The following PCDHGA3 variants were observed in gnomAD, a reference collection of about 807,000 sequenced individuals.
The protein encoded by PCDHGA3 is protocadherin gamma-A3.
Under a neutral mutation model 58.5 loss-of-function variants are expected in PCDHGA3, and 40 were observed. That is an observed-to-expected ratio of 0.68 (90% CI 0.53 to 0.89). The LOEUF is 0.89. PCDHGA3 is among the 40% of genes least tolerant of loss of function. The pLI is 0.00. For missense variants in PCDHGA3, 1,223 were observed against 1,195.9 expected (o/e 1.02, Z -0.33); for synonymous variants, 530 against 525.7 (o/e 1.01, Z -0.11).
chr5:141,421,246 C>T (rs1047768415), intron 1 of PCDHGA3: 16 of 1,603,622 alleles, frequency 1.0e-5, no homozygotes, highest in Admixed American at 1.7e-5. Flanking sequence ...TCGGCTACAG[C>T]GCGGGGACCG....
intron 2 of PCDHGA3, among the ~76,000 whole-genome samples, chr5:141,497,767 C>T (rs1419825322): frequency 1.3e-5 from 2 of 152,066 alleles, no homozygotes; most frequent in East Asian, 3.9e-4. Flanking sequence ...TCAAACTCCC[C>T]GACCTCAACT....
intron 3 of PCDHGA3, among the ~76,000 whole-genome samples, chr5:141,505,969 A>G (rs1454691041): frequency 1.3e-5 from 2 of 152,142 alleles, no homozygotes; most frequent in Non-Finnish European, 2.9e-5. Context: ...AGAAATCCCC[A>G]GCCGAGAGAA....
In PCDHGA3 at chr5:141,344,530, C is replaced by G. The variant is rs1241376856; in HGVS notation, c.497C>G (p.Ser166Cys). Residue 166 changes from serine (S) to cysteine (C), a missense_variant, in exon 1 of 4, where the codon TCC (serine) becomes TGC (cysteine). Coordinates refer to ENST00000253812, the MANE Select transcript of PCDHGA3 (RefSeq NM_018916.4). ...TAFDPDVGIN[S>C]LQNYKLSPND... ...TTTGACCCAGATGTAGGCATTAACT[C>G]CCTGCAGAACTACAAGCTTAGCCCC... is the stretch of plus-strand genomic sequence containing the variant. 1.2e-6 allele frequency: 2 copies of G among 1,613,890 alleles called. No individual in the cohort carries two copies. The highest frequency in any genetic ancestry group is 2.2e-5 in the East Asian group (1 of 44,900).
intron 1 of PCDHGA3, among the ~76,000 whole-genome samples, chr5:141,447,983 G>A (rs1311439824): frequency 6.6e-6 from 1 of 151,972 alleles, no homozygotes; most frequent in Non-Finnish European, 1.5e-5. Context: ...CTACTCGGGA[G>A]GCTGAGGCAT....
chr5:141,505,513 G>A lies in PCDHGA3; in HGVS notation c.2572+32G>A, dbSNP rs1157816684. ...GGTGTCAGTGTGTGTATGGAAGAGT[G>A]GGAGACCTGGGGTTCTGGGGTGCAT... On this transcript the variant is annotated intron_variant, in intron 3 of 3. Coordinates refer to ENST00000253812, the MANE Select transcript of PCDHGA3 (RefSeq NM_018916.4). The A allele has an allele frequency of 3.1e-6, 5 of 1,613,710 alleles. No homozygotes were observed. In the South Asian group the frequency reaches 3.3e-5, roughly 11 times the overall value.
At chr5:141,372,931 A>T in intron 1 of PCDHGA3, 1 of 890,318 alleles carries the variant, frequency 1.1e-6, no homozygotes, top group Non-Finnish European at 1.6e-6. Flanking sequence ...TTTCTGGTGT[A>T]GAGTAGGGTG....
At chr5:141,500,116 C>T (rs1458562489) in intron 2 of PCDHGA3, among the ~76,000 whole-genome samples, 4 of 149,046 alleles carry the variant, frequency 2.7e-5, no homozygotes, top group Admixed American at 2.0e-4. Context: ...GAATCCCTGC[C>T]TTTTCATATA....
Position 141,476,543 on chromosome 5 carries a change from G to A in PCDHGA3, c.2425-18264G>A, listed in dbSNP as rs1419273574. 1 of 1,614,220 alleles carries A rather than the reference G, an allele frequency of 6.2e-7. No individual in the cohort carries two copies. Among genetic ancestry groups the A allele is most frequent in the South Asian group, 1.1e-5 (1 of 91,084 alleles). On this transcript the variant is annotated intron_variant, in intron 1 of 3. Transcript: ENST00000253812. The surrounding 1 kb of genome is among the most constrained non-coding windows in gnomAD (Gnocchi z 7.6). ...TTTCCCTACCCAGGAAATGAAATTG[G>A]AGATTAGCGAGGCCGTGGCTCCGGG...
At chr5:141,399,063 A>G (rs762517133) in intron 1 of PCDHGA3, 1 of 1,613,714 alleles carries the variant, frequency 6.2e-7, no homozygotes, top group South Asian at 1.1e-5. Flanking sequence ...AGGAATATTC[A>G]ATGGTTGTAG....
chr5:141,450,815 A>AT (rs1554136868), intron 1 of PCDHGA3, among the ~76,000 whole-genome samples: 4,329 of 126,688 alleles, frequency 0.034, 70 homozygotes, highest in Middle Eastern at 0.091. Flanking sequence ...TATTTATTTA[A>AT]TATTATTATT....
chr5:141,420,357 CT>C, intron 1 of PCDHGA3: 1 of 1,376,278 alleles, frequency 7.3e-7, no homozygotes, highest in Non-Finnish European at 9.6e-7. Context: ...TTTTAAGATT[CT>C]AGATAACTTC....
At chr5:141,370,648 T>A in intron 1 of PCDHGA3, 1 of 1,613,920 alleles carries the variant, frequency 6.2e-7, no homozygotes, top group Non-Finnish European at 8.5e-7. Context: ...GGGAACTTAC[T>A]TGTGAGCGAC....
chr5:141,478,718 C>T, intron 1 of PCDHGA3: 1 of 1,544,994 alleles, frequency 6.5e-7, no homozygotes, highest in East Asian at 2.4e-5. Context: ...AGATGGTGGC[C>T]TGCCAGAGTG....
rs760591099 is a variant in PCDHGA3, at chr5:141,345,468, C to G, written c.1435C>G (p.Pro479Ala). ...ASIFSVTAQD[P>A]DSNNNARITY... is the part of the protein sequence containing the mutation. ...CATCTTCTCAGTGACAGCCCAGGAC[C>G]CAGATAGCAACAACAACGCCCGCAT... Residue 479 changes from proline to alanine, a missense_variant, in exon 1 of 4, where the codon CCA becomes GCA. Pro to Ala is a conservative substitution (Grantham distance 27, BLOSUM62 -1). This residue lies in a region of PCDHGA3 where 791 missense variants were observed against 708.5 expected (regional missense o/e 1.12). Transcript: ENST00000253812. 4.1e-5 allele frequency: 66 copies of G among 1,614,138 alleles called. 2 individuals are homozygous for G. In the Middle Eastern group the frequency reaches 6.3e-3, roughly 153 times the overall value.
At chr5:141,460,616 T>C (rs905095529) in intron 1 of PCDHGA3, among the ~76,000 whole-genome samples, 8 of 152,114 alleles carry the variant, frequency 5.3e-5, no homozygotes, top group Non-Finnish European at 7.4e-5. Context: ...GATGGATAGA[T>C]AGACAGATAC....
In PCDHGA3 at chr5:141,450,548, G is replaced by A. The variant is rs186010209; in HGVS notation, c.2425-44259G>A. 3.3e-4 allele frequency among the ~76,000 whole-genome samples: 50 copies of A among 151,716 alleles called. 1 individual carries two copies. Among genetic ancestry groups the A allele is most frequent in the African/African-American group, 9.9e-4 (41 of 41,366 alleles). On this transcript the variant is annotated intron_variant, in intron 1 of 3. Transcript: ENST00000253812. ...GTCACCCAGGCTGGAATGCAGTGGC[G>A]CAGTCTCGGCTCACTGCAACTTCTG... is the stretch of plus-strand genomic sequence containing the variant.
intron 1 of PCDHGA3, among the ~76,000 whole-genome samples, chr5:141,484,170 A>G (rs962978452): frequency 6.6e-6 from 1 of 152,210 alleles, no homozygotes; most frequent in Non-Finnish European, 1.5e-5. Context: ...TTGGTAGCTG[A>G]TCTCAATCAT....
intron 1 of PCDHGA3, among the ~76,000 whole-genome samples, chr5:141,380,102 G>C (rs1776217775): frequency 6.6e-6 from 1 of 151,848 alleles, no homozygotes; most frequent in Non-Finnish European, 1.5e-5. Flanking sequence ...GTTTTACCAT[G>C]ATGGCCAGGC....
At chr5:141,381,987 G>A (rs896707419) in intron 1 of PCDHGA3, among the ~76,000 whole-genome samples, 9 of 151,320 alleles carry the variant, frequency 5.9e-5, no homozygotes, top group Non-Finnish European at 1.2e-4. Context: ...GCGCCACCAC[G>A]CCCGGATAAT....
Sources: gnomAD v4.1 joint callset for allele counts (sites outside exome capture counted in the v4.1 genomes callset) on GRCh38, gnomAD v4.1.1 for gene constraint, gnomAD v4.1.1 regional missense constraint, Gnocchi (gnomAD v3.1) non-coding constraint, MANE v1.5 for transcripts, NCBI Gene and HGNC (gene_info 2026-07-23, HGNC 2026-07-21) for gene names.